Variants in CMIP observed in about 807,000 individuals in gnomAD.
CMIP encodes the protein C-Maf-inducing protein.
A neutral mutation model predicts 97.3 loss-of-function variants in CMIP; 13 were observed. The observed-to-expected ratio is 0.13, with a 90% CI of 0.09 to 0.21. The LOEUF (loss-of-function observed/expected upper bound fraction) is 0.21, where lower values mean the gene tolerates loss of function less well. Among genes scored for constraint, CMIP ranks in the 10% least tolerant of loss-of-function variants. CMIP has a pLI of 1.00. For synonymous variants in CMIP, 538 were observed against 436.3 expected (o/e 1.23, Z -2.91); for missense variants, 847 against 1,024.9 (o/e 0.83, Z 2.37).
chr16:81,446,878 C>T (rs902119942), intron 1 of CMIP, among the ~76,000 whole-genome samples: 4 of 129,212 alleles, frequency 3.1e-5, no homozygotes, highest in East Asian at 2.6e-4. Flanking sequence ...TTGCAGCCCT[C>T]GAGGACTTTT....
rs1305402941 is a variant in CMIP, at chr16:81,645,317, C to T, written c.478-6886C>T. The T allele has an allele frequency of 1.1e-5, 14 of 1,298,846 alleles. No individual in the cohort carries two copies. The Admixed American group carries it at 2.7e-4, about 25-fold the overall frequency. The allele number at this position is 1,298,846 out of a possible 1,614,324, so 80.5% of individuals were successfully genotyped here. ...GCCATGGGCGCGCCCGTGCAGCGTC[C>T]TCTCTTCACGACAGGTGGTGGGGAG... On this transcript the variant is annotated intron_variant, in intron 3 of 20. Transcript: ENST00000537098.
At chr16:81,694,526 A>G (rs761377697) in intron 13 of CMIP, among the ~76,000 whole-genome samples, 1 of 152,204 alleles carries the variant, frequency 6.6e-6, no homozygotes, top group African/African-American at 2.4e-5. Flanking sequence ...AGGTCTTGCC[A>G]TGTCCAACCA....
At chr16:81,606,450 G>A (rs568267879) in intron 1 of CMIP, among the ~76,000 whole-genome samples, 4 of 152,264 alleles carry the variant, frequency 2.6e-5, no homozygotes, top group Admixed American at 6.5e-5. Context: ...AAGGACACCC[G>A]CTTTGGCTCC....
At chr16:81,602,828 C>A (rs1176572524) in intron 1 of CMIP, among the ~76,000 whole-genome samples, 1 of 152,212 alleles carries the variant, frequency 6.6e-6, no homozygotes, top group Non-Finnish European at 1.5e-5. Flanking sequence ...CTACCCCAGA[C>A]AGGAATCTCC....
chr16:81,655,338 A>G lies in CMIP; in HGVS notation c.640-2437A>G, dbSNP rs1407461429. The stretch of plus-strand genomic sequence containing the variant: ...GGAAGGATCTGGAGGGAGCAGGCAG[A>G]GGGGCATCGTGGAGGGAGCTGCTAA... On this transcript the variant is annotated intron_variant, in intron 4 of 20. Coordinates refer to ENST00000537098, the MANE Select transcript of CMIP (RefSeq NM_198390.3). The surrounding 1 kb of genome is among the most constrained non-coding windows in gnomAD (Gnocchi z 4.9). 2.0e-5 allele frequency among the ~76,000 whole-genome samples: 3 copies of G among 152,188 alleles called. No individual in the cohort carries two copies. The highest frequency in any genetic ancestry group is 4.4e-5 in the Non-Finnish European group (3 of 68,032).
intron 1 of CMIP, among the ~76,000 whole-genome samples, chr16:81,562,509 T>G (rs554044500): frequency 3.3e-5 from 5 of 152,368 alleles, no homozygotes; most frequent in African/African-American, 1.2e-4. Flanking sequence ...GCGGGCCTCT[T>G]GGACCAGGGT....
At chr16:81,591,164 T>G (rs1276317660) in intron 1 of CMIP, among the ~76,000 whole-genome samples, 16 of 152,208 alleles carry the variant, frequency 1.1e-4, no homozygotes, top group Non-Finnish European at 7.3e-5. Flanking sequence ...AAAAGTTATT[T>G]CTCTTCTGTG....
intron 1 of CMIP, among the ~76,000 whole-genome samples, chr16:81,599,449 G>A (rs1197715031): frequency 6.6e-6 from 1 of 152,222 alleles, no homozygotes; most frequent in African/African-American, 2.4e-5. Context: ...ATGGGTTTCT[G>A]CCTTGGAGGC....
At chr16:81,604,369 C>T (rs560360889) in intron 1 of CMIP, among the ~76,000 whole-genome samples, 19 of 120,422 alleles carry the variant, frequency 1.6e-4, no homozygotes, top group African/African-American at 4.7e-4. Context: ...GTACTCCAGT[C>T]GGGGTGACAA....
intron 1 of CMIP, among the ~76,000 whole-genome samples, chr16:81,488,227 G>A (rs1567540494): frequency 6.6e-6 from 1 of 152,090 alleles, no homozygotes; most frequent in South Asian, 2.1e-4. Context: ...GAGTGCGACC[G>A]TAGGGGGTTA....
intron 1 of CMIP, among the ~76,000 whole-genome samples, chr16:81,536,809 G>C (rs866212715): frequency 6.6e-6 from 1 of 151,930 alleles, no homozygotes; most frequent in Non-Finnish European, 1.5e-5. Flanking sequence ...ACATACATCC[G>C]GAAGCATGCA....
intron 10 of CMIP, among the ~76,000 whole-genome samples, chr16:81,684,448 A>C (rs1162374177): frequency 6.6e-6 from 1 of 152,234 alleles, no homozygotes; most frequent in Non-Finnish European, 1.5e-5. Context: ...TCTGTGAGTC[A>C]GGGAAAGCAG....
rs114772235 is a variant in CMIP at position 81,655,032 on chromosome 16, A to G, written c.639+2668A>G. ...GAGTACCTATTTCACAGAATTGAAGATGCGATCCTCTCATATGCATAAAGT... is the reference window on the plus strand; with the variant it reads ...GAGTACCTATTTCACAGAATTGAAGGTGCGATCCTCTCATATGCATAAAGT... On this transcript the variant is annotated intron_variant, in intron 4 of 20. Coordinates refer to ENST00000537098, the MANE Select transcript of CMIP (RefSeq NM_198390.3). The surrounding 1 kb of genome is among the most constrained non-coding windows in gnomAD (Gnocchi z 4.9). Among the ~76,000 whole-genome samples, 323 of 152,314 alleles carry G rather than the reference A, an allele frequency of 2.1e-3. No homozygotes were observed. Among genetic ancestry groups the G allele is most frequent in the African/African-American group, 6.7e-3 (279 of 41,574 alleles).
Position 81,527,387 on chromosome 16 carries a change from G to GACA in CMIP, c.301-80179_301-80177dup, listed in dbSNP as rs747724770. Among the ~76,000 whole-genome samples, 284 of 152,306 alleles carry GACA rather than the reference G, an allele frequency of 1.9e-3. 1 individual carries two copies. The highest frequency in any genetic ancestry group is 3.3e-3 in the Non-Finnish European group (223 of 68,026). ...GATACCAGAAAAAAACACCAACAGG[G>GACA]ACATGTTCATTGTAGAATCTAGGTG... On this transcript the variant is annotated intron_variant, in intron 1 of 20. Transcript: ENST00000537098.
intron 1 of CMIP, among the ~76,000 whole-genome samples, chr16:81,565,560 G>A (rs772895164): frequency 6.6e-6 from 1 of 152,180 alleles, no homozygotes; most frequent in East Asian, 1.9e-4. Context: ...AACCCATATC[G>A]GTGGGCTCAG....
At chr16:81,559,065 C>T (rs1202921893) in intron 1 of CMIP, among the ~76,000 whole-genome samples, 1 of 152,242 alleles carries the variant, frequency 6.6e-6, no homozygotes, top group Admixed American at 6.5e-5. Flanking sequence ...GCCCCTCCTG[C>T]CGCCCAGAGC....
intron 3 of CMIP, among the ~76,000 whole-genome samples, chr16:81,643,467 C>G (rs1388058817): frequency 6.6e-6 from 1 of 152,158 alleles, no homozygotes; most frequent in Non-Finnish European, 1.5e-5. Flanking sequence ...CAACACTGTG[C>G]TAAACGCCGC....
At chr16:81,553,814 T>C (rs1232162362) in intron 1 of CMIP, among the ~76,000 whole-genome samples, 2 of 152,248 alleles carry the variant, frequency 1.3e-5, no homozygotes, top group African/African-American at 4.8e-5. Context: ...GAGCTTCTAA[T>C]TAGCAAAGAT....
At chr16:81,474,288 C>T (rs2150749841) in intron 1 of CMIP, among the ~76,000 whole-genome samples, 1 of 150,758 alleles carries the variant, frequency 6.6e-6, no homozygotes, top group South Asian at 2.1e-4. Flanking sequence ...CACTGACTTA[C>T]CCTCCCTCCC....
Sources: gnomAD v4.1 joint callset for allele counts (sites outside exome capture counted in the v4.1 genomes callset) on GRCh38, gnomAD v4.1.1 for gene constraint, Gnocchi (gnomAD v3.1) non-coding constraint, MANE v1.5 for transcripts, NCBI Gene and HGNC (gene_info 2026-07-23, HGNC 2026-07-21) for gene names.